The following CCBE1 variants were observed in gnomAD, a reference collection of about 807,000 sequenced individuals.
The protein encoded by CCBE1 is collagen and calcium binding EGF domains 1, also known as collagen and calcium-binding EGF domain-containing protein 1.
A neutral mutation model predicts 50.0 loss-of-function variants in CCBE1; 37 were observed. That is an observed-to-expected ratio of 0.74 (90% confidence interval 0.57 to 0.97). CCBE1 has a LOEUF of 0.97. Ranked by LOEUF, CCBE1 falls within the 50% of genes least tolerant of loss-of-function variation. The probability of loss-of-function intolerance (pLI) is 0.00; values close to 1 mark genes in which losing one functional copy is unlikely to be tolerated. For synonymous variants in CCBE1, 234 were observed against 203.7 expected, an observed-to-expected ratio of 1.15 and a Z score of -1.27; for missense variants, 538 against 523.8, an observed-to-expected ratio of 1.03 and a Z score of -0.26.
At chr18:59,619,812 G>T (rs2053688013) in intron 2 of CCBE1, among the ~76,000 whole-genome samples, 1 of 152,124 alleles carries the variant, frequency 6.6e-6, no homozygotes, top group Non-Finnish European at 1.5e-5. Context: ...ATGAGGTAAA[G>T]AGGTCTTAAA....
At chr18:59,437,366 C>T (rs1475295893) in intron 10 of CCBE1, among the ~76,000 whole-genome samples, 1 of 152,110 alleles carries the variant, frequency 6.6e-6, no homozygotes, top group Non-Finnish European at 1.5e-5. Context: ...ATCATTTGAC[C>T]CTCACAGTAG....
chr18:59,461,727 A>ATGTTTTT (rs1352942148), intron 5 of CCBE1, among the ~76,000 whole-genome samples: 1 of 85,066 alleles, frequency 1.2e-5, no homozygotes, highest in Admixed American at 1.4e-4. Flanking sequence ...GCCAGGTGTA[A>ATGTTTTT]TCTTTTTTTT....
At chr18:59,568,338 G>C (rs2052860234) in intron 2 of CCBE1, 1 of 152,204 alleles carries the variant, frequency 6.6e-6, no homozygotes, top group African/African-American at 2.4e-5. Flanking sequence ...CAGCCAGAGA[G>C]GTGAGTGGGA....
chr18:59,685,517 C>T (rs890001537), intron 2 of CCBE1, among the ~76,000 whole-genome samples: 3 of 152,188 alleles, frequency 2.0e-5, no homozygotes, highest in Non-Finnish European at 2.9e-5. Flanking sequence ...TGACAAAGAA[C>T]CAGGCTGCTC....
At chr18:59,646,216 C>T (rs186774948) in intron 2 of CCBE1, among the ~76,000 whole-genome samples, 100 of 152,234 alleles carry the variant, frequency 6.6e-4, no homozygotes, top group African/African-American at 2.3e-3. Context: ...TAGGAAACTA[C>T]GCATGGAAAA....
chr18:59,650,324 T>C (rs1422408153), intron 2 of CCBE1, among the ~76,000 whole-genome samples: 1 of 150,470 alleles, frequency 6.6e-6, no homozygotes, highest in South Asian at 2.1e-4. Context: ...AAAAGCAGCA[T>C]CCAAGCTCTC....
At chr18:59,492,243 T>C (rs1029694930) in intron 2 of CCBE1, among the ~76,000 whole-genome samples, 1 of 151,954 alleles carries the variant, frequency 6.6e-6, no homozygotes, top group Non-Finnish European at 1.5e-5. Context: ...TGCCTTCTAT[T>C]TTTTTTTCCC....
At chr18:59,595,114 C>CAAAAAAAAAAAAAAAAAAAAAAA (rs546035209) in intron 2 of CCBE1, among the ~76,000 whole-genome samples, 4 of 73,578 alleles carry the variant, frequency 5.4e-5, no homozygotes, top group African/African-American at 1.8e-4. Flanking sequence ...GACTCTGTCT[C>CAAAAAAAAAAAAAAAAAAAAAAA]AAAAAAAAAA....
At chr18:59,486,084 C>T (rs641687) in intron 2 of CCBE1, among the ~76,000 whole-genome samples, 39,991 of 151,974 alleles carry the variant, frequency 0.26, 5,556 homozygotes, top group African/African-American at 0.29. Context: ...GGCCTTGCTC[C>T]TTAATCTTGG....
intron 2 of CCBE1, among the ~76,000 whole-genome samples, chr18:59,579,292 C>G (rs2053048798): frequency 6.6e-6 from 1 of 152,052 alleles, no homozygotes; most frequent in African/African-American, 2.4e-5. Context: ...CAACAATTCA[C>G]AGTTCCATAT....
intron 2 of CCBE1, among the ~76,000 whole-genome samples, chr18:59,612,825 TG>T (rs774866889): frequency 0.088 from 10,310 of 116,692 alleles, 832 homozygotes; most frequent in East Asian, 0.18. Context: ...GTTTTTTTTT[TG>T]TTTTTTTTTG....
chr18:59,542,067 C>T (rs950589357), intron 2 of CCBE1, among the ~76,000 whole-genome samples: 10 of 150,992 alleles, frequency 6.6e-5, no homozygotes, highest in South Asian at 4.2e-4. Context: ...CCAGCTACAC[C>T]GGAGGCTGAG....
At chr18:59,446,678 T>G (rs1340619803) in intron 7 of CCBE1, among the ~76,000 whole-genome samples, 1 of 152,338 alleles carries the variant, frequency 6.6e-6, no homozygotes, top group East Asian at 1.9e-4. Context: ...TCCTTCCTCC[T>G]TGGGCAAATT....
intron 2 of CCBE1, among the ~76,000 whole-genome samples, chr18:59,504,331 C>T (rs1476941669): frequency 2.0e-5 from 3 of 151,630 alleles, no homozygotes; most frequent in African/African-American, 7.3e-5. Flanking sequence ...AAGTATTTTC[C>T]TCAGTAAAGA....
At chr18:59,542,283 T>TTA (rs151135616) in intron 2 of CCBE1, among the ~76,000 whole-genome samples, 4 of 151,800 alleles carry the variant, frequency 2.6e-5, no homozygotes, top group Non-Finnish European at 1.5e-5. Flanking sequence ...GAAATCTTAA[T>TTA]AAATTCTTGA....
At chr18:59,649,708 A>G (rs975116866) in intron 2 of CCBE1, among the ~76,000 whole-genome samples, 1 of 152,230 alleles carries the variant, frequency 6.6e-6, no homozygotes, top group African/African-American at 2.4e-5. Context: ...TTGGACTGTA[A>G]TAGTAACCTA....
At chr18:59,508,523 G>A (rs1394631895) in intron 2 of CCBE1, among the ~76,000 whole-genome samples, 4 of 151,856 alleles carry the variant, frequency 2.6e-5, no homozygotes, top group African/African-American at 9.7e-5. Context: ...CTTGAGTCCG[G>A]GAGGCAGAGG....
At chr18:59,619,552 A>G (rs1475092116) in intron 2 of CCBE1, among the ~76,000 whole-genome samples, 1 of 152,226 alleles carries the variant, frequency 6.6e-6, no homozygotes, top group Non-Finnish European at 1.5e-5. Flanking sequence ...TAATATGTGT[A>G]TTATATATAA....
chr18:59,683,499 C>T (rs896926415), intron 2 of CCBE1, among the ~76,000 whole-genome samples: 1 of 151,942 alleles, frequency 6.6e-6, no homozygotes, highest in Non-Finnish European at 1.5e-5. Flanking sequence ...AGTTTGAGAC[C>T]AGCCTGGCCA....
Sources: allele counts gnomAD v4.1 joint callset (sites outside exome capture counted in the v4.1 genomes callset), GRCh38; gene constraint gnomAD v4.1.1; transcripts MANE v1.5; gene names NCBI Gene and HGNC (gene_info 2026-07-23, HGNC 2026-07-21).